Variants in GPM6B observed in about 807,000 individuals in gnomAD.
GPM6B encodes glycoprotein M6B.
GPM6B carries 4 observed loss-of-function variants against 27.2 expected under a neutral mutation model. The ratio of observed to expected loss-of-function variants is 0.15; its 90% CI spans 0.07 to 0.34. The LOEUF is 0.34. Among genes scored for constraint, GPM6B ranks in the 10% least tolerant of loss-of-function variants. GPM6B has a pLI of 1.00. For missense variants in GPM6B, 183 were observed against 261.9 expected, an observed-to-expected ratio of 0.70 and a Z score of 2.08; for synonymous variants, 124 against 103.1, an observed-to-expected ratio of 1.20 and a Z score of -1.23.
intron 7 of GPM6B, 102 bp downstream of exon 7, chrX:13,776,136 A>ATTC: frequency 9.2e-6 from 6 of 651,862 alleles, no homozygotes; most frequent in Non-Finnish European, 1.5e-5. Context: ...GAGTGCCAGA[A>ATTC]TCATTGGCTT....
chrX:13,872,038 G>A (rs1319762933), intron 1 of GPM6B, among the ~76,000 whole-genome samples: 3 of 111,499 alleles, frequency 2.7e-5, no homozygotes, highest in Non-Finnish European at 5.6e-5. Context: ...AGAGAAAATT[G>A]AGGTGGTGCA....
At chrX:13,852,409 G>A (rs1041780989) in intron 1 of GPM6B, among the ~76,000 whole-genome samples, 2 of 110,896 alleles carry the variant, frequency 1.8e-5, no homozygotes, top group African/African-American at 6.6e-5. Flanking sequence ...AACTTAATAG[G>A]TAATTGACAC....
intron 1 of GPM6B, among the ~76,000 whole-genome samples, chrX:13,842,672 A>T (rs981863048): frequency 1.8e-5 from 2 of 111,223 alleles, no homozygotes; most frequent in African/African-American, 6.6e-5. Flanking sequence ...TGAGGCCAGG[A>T]GTTCAGGAGC....
At chrX:13,883,895 C>T (rs754886962) in intron 1 of GPM6B, among the ~76,000 whole-genome samples, 2 of 110,293 alleles carry the variant, frequency 1.8e-5, no homozygotes, top group South Asian at 3.8e-4. Context: ...ATTAATTTCA[C>T]GGCCAGGCGT....
chrX:13,787,949 T>C (rs891659392), intron 2 of GPM6B, among the ~76,000 whole-genome samples: 1 of 111,919 alleles, frequency 8.9e-6, no homozygotes, highest in Non-Finnish European at 1.9e-5. Flanking sequence ...GGCTGTGTGG[T>C]CCAAAATGGT....
intron 1 of GPM6B, among the ~76,000 whole-genome samples, chrX:13,890,462 A>G (rs1419403933): frequency 9.0e-6 from 1 of 111,522 alleles, no homozygotes; most frequent in African/African-American, 3.3e-5. Flanking sequence ...TTCTTGCATG[A>G]GATCCAAGAA....
chrX:13,853,629 G>A (rs183930893), intron 1 of GPM6B, among the ~76,000 whole-genome samples: 6 of 99,545 alleles, frequency 6.0e-5, no homozygotes, highest in African/African-American at 1.4e-4. Context: ...AAAGACACAC[G>A]TGGAGTCTGG....
chrX:13,794,170 TTCTC>T (rs775581413), intron 2 of GPM6B, among the ~76,000 whole-genome samples: 29 of 107,904 alleles, frequency 2.7e-4, no homozygotes, highest in South Asian at 1.2e-3. Flanking sequence ...AGAGCAGTGG[TTCTC>T]TCTCTCTCTC....
intron 2 of GPM6B, among the ~76,000 whole-genome samples, chrX:13,793,149 C>T (rs368363207): frequency 4.5e-5 from 5 of 111,068 alleles, no homozygotes; most frequent in East Asian, 2.8e-4. Context: ...CTCTCTGAAG[C>T]CTGCTACCTG....
chrX:13,817,020 G>A lies in GPM6B; in HGVS notation c.-116C>T. 8.9e-7 allele frequency: 1 copy of A among 1,122,377 alleles called. No individual in the cohort carries two copies. Among genetic ancestry groups the A allele is most frequent in the East Asian group, 3.2e-5 (1 of 31,685 alleles). The allele number at this position is 1,122,377 out of a possible 1,213,427, so 92.5% of individuals were successfully genotyped here. On this transcript the variant is annotated 5_prime_UTR_variant, in exon 1 of 8. Coordinates refer to ENST00000316715, the MANE Select transcript of GPM6B (RefSeq NM_001001995.3). ...CTTATTTACACCCGTCTGATTGAGAGGCTCTGTTCTTCACTACAGTAGATT... is the reference window on the plus strand; with the variant it reads ...CTTATTTACACCCGTCTGATTGAGAAGCTCTGTTCTTCACTACAGTAGATT...
At position 13,816,611 on chromosome X, in the gene GPM6B, T is replaced by A. The variant is rs749432160; in HGVS notation, c.61+233A>T. ...AGCCCAAGGTGACAAACTATAGACA[T>A]CCCTCTATGAAATATCACGTCGGTA... is the stretch of plus-strand genomic sequence containing the variant. On this transcript the variant is annotated intron_variant, in intron 1 of 7. Coordinates refer to ENST00000316715, the MANE Select transcript of GPM6B (RefSeq NM_001001995.3). Among the ~76,000 whole-genome samples the A allele has an allele frequency of 3.6e-5, 4 of 110,919 alleles. No individual in the cohort carries two copies. The East Asian group carries it at 8.4e-4, about 23-fold the overall frequency.
intron 2 of GPM6B, among the ~76,000 whole-genome samples, chrX:13,804,306 C>T (rs146310426): frequency 2.1e-3 from 234 of 109,402 alleles, no homozygotes; most frequent in Non-Finnish European, 3.3e-3. Context: ...CAATGTTAAG[C>T]ACAATATGCC....
chrX:13,802,151 G>A (rs1418454707), intron 2 of GPM6B, among the ~76,000 whole-genome samples: 1 of 98,997 alleles, frequency 1.0e-5, no homozygotes, highest in Non-Finnish European at 2.0e-5. Context: ...ATGGACTCTA[G>A]TTAGATTTAT....
chrX:13,937,089 G>T (rs1329289979), intron 1 of GPM6B, among the ~76,000 whole-genome samples: 1 of 111,426 alleles, frequency 9.0e-6, no homozygotes, highest in Non-Finnish European at 1.9e-5. Context: ...TAAAACGGAG[G>T]TTGAATGGTT....
At chrX:13,815,255 A>G (rs997578265) in intron 1 of GPM6B, among the ~76,000 whole-genome samples, 1 of 112,194 alleles carries the variant, frequency 8.9e-6, no homozygotes, top group African/African-American at 3.2e-5. Context: ...AATAAAAATT[A>G]AAAGTATGTA....
intron 1 of GPM6B, among the ~76,000 whole-genome samples, chrX:13,909,120 C>CTTTTTTTTTTTTTTTTTTTTTTTTTTT: frequency 1.4e-5 from 1 of 69,860 alleles, no homozygotes; most frequent in Non-Finnish European, 2.5e-5. Flanking sequence ...TGTTCATATC[C>CTTTTTTTTTTTTTTTTTTTTTTTTTTT]TTTTTTTTTT....
intron 1 of GPM6B, among the ~76,000 whole-genome samples, chrX:13,822,599 C>T (rs1435134235): frequency 1.9e-5 from 2 of 107,826 alleles, no homozygotes; most frequent in African/African-American, 6.8e-5. Flanking sequence ...CGTTCTCAAA[C>T]TCCTGACCTC....
At chrX:13,781,563 C>CA (rs1465364453) in intron 4 of GPM6B, among the ~76,000 whole-genome samples, 1 of 111,219 alleles carries the variant, frequency 9.0e-6, no homozygotes, top group African/African-American at 3.3e-5. Context: ...CCAGACCAGG[C>CA]ATAAGTGACT....
At chrX:13,928,509 C>T (rs1191848960) in intron 1 of GPM6B, among the ~76,000 whole-genome samples, 2 of 112,008 alleles carry the variant, frequency 1.8e-5, no homozygotes, top group Non-Finnish European at 3.8e-5. Flanking sequence ...GTCCCAAATT[C>T]TTTTTAATTA....
Sources: allele counts gnomAD v4.1 joint callset (sites outside exome capture counted in the v4.1 genomes callset), GRCh38; gene constraint gnomAD v4.1.1; transcripts MANE v1.5; gene names NCBI Gene and HGNC (gene_info 2026-07-23, HGNC 2026-07-21).